The following MSR1 variants were observed in gnomAD, a reference collection of about 807,000 sequenced individuals.
MSR1 encodes macrophage scavenger receptor 1.
MSR1 carries 53 observed loss-of-function variants against 47.2 expected under a neutral mutation model. The observed-to-expected ratio is 1.12, with a 90% CI of 0.90 to 1.41. The LOEUF (loss-of-function observed/expected upper bound fraction) is 1.41. MSR1 is among the 40% of genes most tolerant of loss of function. The pLI is 0.00. For missense variants in MSR1, 786 were observed against 546.9 expected (o/e 1.44, Z -4.36); for synonymous variants, 239 against 185.6 (o/e 1.29, Z -2.34).
intron 5 of MSR1, among the ~76,000 whole-genome samples, chr8:16,161,753 T>C (rs1402644636): frequency 6.6e-6 from 1 of 152,014 alleles, no homozygotes; most frequent in African/African-American, 2.4e-5. Context: ...AAGTAAAAAT[T>C]GTCTATATAT....
chr8:16,182,602 G>A (rs1172326414), intron 1 of MSR1, among the ~76,000 whole-genome samples: 1 of 145,598 alleles, frequency 6.9e-6, no homozygotes, highest in Non-Finnish European at 1.5e-5. Flanking sequence ...CTTTTTTGTT[G>A]ATAACTAAGG....
rs549313269 is a variant in MSR1 at position 16,132,519 on chromosome 8, A to G, written c.1033+11039T>C. 1.6e-4 allele frequency among the ~76,000 whole-genome samples: 25 copies of G among 151,790 alleles called. No individual in the cohort carries two copies. The East Asian group carries it at 4.9e-3, about 30-fold the overall frequency. On this transcript the variant is annotated intron_variant, in intron 8 of 9. Coordinates refer to ENST00000262101, the MANE Select transcript of MSR1 (RefSeq NM_138715.3). ...TTTTGTTTTTTTGAGACAGAGTCTC[A>G]CCCTGTCACCCAGGCTGGAGTGCAG...
At chr8:16,182,742 G>C (rs1039825674) in intron 1 of MSR1, among the ~76,000 whole-genome samples, 1 of 152,032 alleles carries the variant, frequency 6.6e-6, no homozygotes, top group Admixed American at 6.6e-5. Context: ...CATCTCCTAT[G>C]ATAACATTGC....
chr8:16,140,995 C>A, intron 8 of MSR1: 1 of 1,613,928 alleles, frequency 6.2e-7, no homozygotes, highest in South Asian at 1.1e-5. Flanking sequence ...GCCCAACCCA[C>A]CTGATCTTAA....
At chr8:16,164,722 T>A (rs1801257346) in intron 4 of MSR1, among the ~76,000 whole-genome samples, 1 of 152,030 alleles carries the variant, frequency 6.6e-6, no homozygotes, top group Non-Finnish European at 1.5e-5. Flanking sequence ...TCATTGACAA[T>A]AGATTTTCAT....
intron 8 of MSR1, among the ~76,000 whole-genome samples, chr8:16,128,788 ACT>A (rs1185843350): frequency 6.6e-6 from 1 of 152,042 alleles, no homozygotes; most frequent in Non-Finnish European, 1.5e-5. Context: ...GAAAATAATC[ACT>A]TTGTCCCTAA....
At chr8:16,174,638 T>C (rs924835569) in intron 3 of MSR1, among the ~76,000 whole-genome samples, 6 of 152,166 alleles carry the variant, frequency 3.9e-5, no homozygotes, top group African/African-American at 1.4e-4. Context: ...ATAATATCCC[T>C]ATGAAAAATG....
Position 16,155,092 on chromosome 8 carries a change from A to C in MSR1, c.870T>G (p.Ser290Arg). 4.3e-6 allele frequency: 7 copies of C among 1,612,268 alleles called. No individual in the cohort carries two copies. The highest frequency in any genetic ancestry group is 5.9e-6 in the Non-Finnish European group (7 of 1,178,814). ...EKGDRGPTGE[S>R]GPRGFPGPIG... Reference sequence around the variant, plus strand: ...TTGGACCTGGAAATCCTCGTGGACCACTTTCTCCAGTGGGACCTCGATCTC... The same window carrying C: ...TTGGACCTGGAAATCCTCGTGGACCCCTTTCTCCAGTGGGACCTCGATCTC... The change falls in exon 6 of 10, where the codon AGT becomes AGG. Residue 290 changes from serine to arginine, a missense_variant. Ser to Arg is a moderately radical substitution (Grantham distance 110). Coordinates refer to ENST00000262101, the MANE Select transcript of MSR1 (RefSeq NM_138715.3).
At chr8:16,161,509 T>G (rs568632332) in intron 5 of MSR1, among the ~76,000 whole-genome samples, 74 of 152,084 alleles carry the variant, frequency 4.9e-4, no homozygotes, top group African/African-American at 1.6e-3. Context: ...TGATATGTGT[T>G]CTGTATAAGC....
chr8:16,178,179 T>C (rs1280472211), intron 1 of MSR1, among the ~76,000 whole-genome samples, 187 bp from the exon 2 acceptor site: 1 of 152,010 alleles, frequency 6.6e-6, no homozygotes, highest in Non-Finnish European at 1.5e-5. Flanking sequence ...ATTATACATG[T>C]ACCATGTTGG....
chr8:16,127,851 C>A (rs770493701), intron 8 of MSR1, among the ~76,000 whole-genome samples: 13 of 152,104 alleles, frequency 8.5e-5, no homozygotes, highest in Non-Finnish European at 1.8e-4. Flanking sequence ...CTTAACAGTT[C>A]TTACAAATAT....
chr8:16,148,532 T>C (rs1054524000), intron 7 of MSR1, among the ~76,000 whole-genome samples: 16 of 151,944 alleles, frequency 1.1e-4, no homozygotes, highest in African/African-American at 1.9e-4. Flanking sequence ...TCTTGGTTCA[T>C]TGCAACCTCT....
Position 16,147,335 on chromosome 8 carries a change from C to A in MSR1, c.979+2896G>T, listed in dbSNP as rs576616831. The stretch of plus-strand genomic sequence containing the variant: ...CATTTCCCTGTTTCTAGCACTGTAC[C>A]CTTACGAGCAGTGTGTACTTAATCC... On this transcript the variant is annotated intron_variant, in intron 7 of 9. Coordinates refer to ENST00000262101, the MANE Select transcript of MSR1 (RefSeq NM_138715.3). Among the ~76,000 whole-genome samples, 3 of 151,974 alleles carry A rather than the reference C, an allele frequency of 2.0e-5. No individual in the cohort carries two copies. The East Asian group carries it at 5.8e-4, about 29-fold the overall frequency.
intron 4 of MSR1, among the ~76,000 whole-genome samples, chr8:16,165,383 T>C (rs757207756): frequency 1.3e-5 from 2 of 152,132 alleles, no homozygotes; most frequent in Non-Finnish European, 2.9e-5. Context: ...GGTTAAAGTA[T>C]CCAGTCATTA....
intron 8 of MSR1, among the ~76,000 whole-genome samples, chr8:16,132,353 T>C (rs955563504): frequency 4.6e-5 from 7 of 152,142 alleles, no homozygotes; most frequent in African/African-American, 1.7e-4. Flanking sequence ...CCTGAAACTT[T>C]GTTGAAGTTG....
In MSR1 at chr8:16,150,303, C is replaced by A. The variant is rs1386375686; in HGVS notation, c.907G>T (p.Gly303Cys). 6.4e-7 allele frequency: 1 copy of A among 1,565,056 alleles called. No individual in the cohort carries two copies. Among genetic ancestry groups the A allele is most frequent in the Non-Finnish European group, 8.7e-7 (1 of 1,151,556 alleles). The change falls in exon 7 of 10, where the codon GGT (glycine) becomes TGT (cysteine). Residue 303 changes from glycine (G) to cysteine (C), a missense_variant. Physicochemically the swap from Gly to Cys is radical, Grantham distance 159 (BLOSUM62 -3). Coordinates refer to ENST00000262101, the MANE Select transcript of MSR1 (RefSeq NM_138715.3). ...ATTGCTCCCCGATCACCTTTAAGAC[C>A]CGGAGGACCTACATTATTAACGAAG... ...RGFPGPIGPP[G>C]LKGDRGAIGF...
intron 8 of MSR1, among the ~76,000 whole-genome samples, chr8:16,127,998 T>C (rs757103492): frequency 4.6e-5 from 7 of 152,158 alleles, no homozygotes; most frequent in Non-Finnish European, 1.0e-4. Context: ...CATGAGACAA[T>C]GTAAAAGAAC....
intron 9 of MSR1, among the ~76,000 whole-genome samples, chr8:16,120,074 T>C (rs1799962470): frequency 6.6e-6 from 1 of 151,792 alleles, no homozygotes; most frequent in Non-Finnish European, 1.5e-5. Flanking sequence ...TACATTTCAT[T>C]TTTTTAAAAA....
intron 5 of MSR1, among the ~76,000 whole-genome samples, chr8:16,156,193 G>A (rs1216055569): frequency 6.6e-6 from 1 of 151,764 alleles, no homozygotes; most frequent in Non-Finnish European, 1.5e-5. Flanking sequence ...CACAGAATAA[G>A]GAAATAGTGA....
Sources: allele counts gnomAD v4.1 joint callset (sites outside exome capture counted in the v4.1 genomes callset), GRCh38; gene constraint gnomAD v4.1.1; transcripts MANE v1.5; gene names NCBI Gene and HGNC (gene_info 2026-07-23, HGNC 2026-07-21).